The following EPHA5 variants were observed in gnomAD, a reference collection of about 807,000 sequenced individuals.
EPHA5 encodes the protein ephrin type-A receptor 5.
A neutral mutation model predicts 105.0 loss-of-function variants in EPHA5; 60 were observed. That is an observed-to-expected ratio of 0.57 (90% CI 0.46 to 0.71). The LOEUF (loss-of-function observed/expected upper bound fraction) is 0.71. Ranked by LOEUF, EPHA5 falls within the 30% of genes least tolerant of loss-of-function variation. The probability of loss-of-function intolerance (pLI) is 0.00; values close to 1 mark genes in which losing one functional copy is unlikely to be tolerated. For synonymous variants in EPHA5, 513 were observed against 449.1 expected (o/e 1.14, Z -1.80); for missense variants, 1,218 against 1,274.7 (o/e 0.96, Z 0.68).
chr4:65,389,785 A>G (rs1220345422), intron 8 of EPHA5, among the ~76,000 whole-genome samples: 1 of 152,054 alleles, frequency 6.6e-6, no homozygotes, highest in South Asian at 2.1e-4. Flanking sequence ...ACATGGGACT[A>G]TTTGAATCTA....
chr4:65,365,214 G>C lies in EPHA5; in HGVS notation c.1988-12C>G, dbSNP rs1357571153. On this transcript the variant is annotated splice_polypyrimidine_tract_variant and intron_variant, in intron 10 of 16. Transcript: ENST00000613740. ...TTCACCAAATTCACCTTGTGATAAA[G>C]ATGAAAAAAATGCAAAAACTCATTT... The C allele has an allele frequency of 6.2e-7, 1 of 1,603,490 alleles. No individual in the cohort carries two copies. The highest frequency in any genetic ancestry group is 1.7e-5 in the Admixed American group (1 of 59,072).
At chr4:65,547,781 C>A (rs1269380960) in intron 3 of EPHA5, among the ~76,000 whole-genome samples, 1 of 151,958 alleles carries the variant, frequency 6.6e-6, no homozygotes, top group Non-Finnish European at 1.5e-5. Context: ...CAGGGCCACT[C>A]AATGACAGGG....
rs1159974229 is a variant in EPHA5, at chr4:65,323,455, T to C, written c.*659A>G. 2 of 230,018 alleles carry C rather than the reference T, an allele frequency of 8.7e-6. No individual in the cohort carries two copies. The allele number at this position is 230,018 out of a possible 1,614,324, so 14.2% of individuals were successfully genotyped here. On this transcript the variant is annotated 3_prime_UTR_variant, in exon 17 of 17. Coordinates refer to ENST00000613740, the MANE Select transcript of EPHA5 (RefSeq NM_001281766.3). ...AATTATACAGTATATACACATTTATTACCTAATAATCTCTAGAAGAGCAAC... is the reference window on the plus strand; with the variant it reads ...AATTATACAGTATATACACATTTATCACCTAATAATCTCTAGAAGAGCAAC...
chr4:65,652,805 A>G (rs10434242), intron 1 of EPHA5, among the ~76,000 whole-genome samples: 40,889 of 151,984 alleles, frequency 0.27, 6,075 homozygotes, highest in East Asian at 0.57. Context: ...TTTTCCTGGA[A>G]AAATCACATT....
At chr4:65,498,239 C>T (rs1578258465) in intron 3 of EPHA5, among the ~76,000 whole-genome samples, 1 of 151,796 alleles carries the variant, frequency 6.6e-6, no homozygotes, top group African/African-American at 2.4e-5. Flanking sequence ...CAAGTTTATA[C>T]AGGACAGAGG....
intron 5 of EPHA5, among the ~76,000 whole-genome samples, chr4:65,452,036 G>T (rs1727117217): frequency 6.6e-6 from 1 of 152,150 alleles, no homozygotes; most frequent in African/African-American, 2.4e-5. Flanking sequence ...GATGAAGTTT[G>T]GGCAGGTGGG....
intron 11 of EPHA5, among the ~76,000 whole-genome samples, chr4:65,358,294 C>G (rs1213219398): frequency 2.6e-5 from 4 of 151,510 alleles, no homozygotes; most frequent in African/African-American, 4.8e-5. Context: ...TATCAGTGAA[C>G]ATTTCATTTA....
intron 3 of EPHA5, among the ~76,000 whole-genome samples, chr4:65,560,735 G>A (rs901085629): frequency 6.6e-6 from 1 of 151,992 alleles, no homozygotes; most frequent in Non-Finnish European, 1.5e-5. Flanking sequence ...AACCCTGAAT[G>A]TTTATGTTCA....
At chr4:65,524,495 A>C (rs1735048393) in intron 3 of EPHA5, among the ~76,000 whole-genome samples, 1 of 151,766 alleles carries the variant, frequency 6.6e-6, no homozygotes, top group African/African-American at 2.4e-5. Context: ...TTCTCTCTCC[A>C]AACTATAAGT....
chr4:65,327,940 A>G (rs975231848), intron 16 of EPHA5, among the ~76,000 whole-genome samples: 3 of 151,226 alleles, frequency 2.0e-5, no homozygotes, highest in Non-Finnish European at 4.4e-5. Context: ...AATTTGATGA[A>G]AATAAAATAT....
At chr4:65,494,602 G>A (rs1385067878) in intron 4 of EPHA5, among the ~76,000 whole-genome samples, 3 of 152,028 alleles carry the variant, frequency 2.0e-5, no homozygotes, top group African/African-American at 4.8e-5. Context: ...CCAAATATAC[G>A]GAAAACTAAA....
At chr4:65,395,358 C>A (rs1337024733) in intron 8 of EPHA5, among the ~76,000 whole-genome samples, 1 of 152,088 alleles carries the variant, frequency 6.6e-6, no homozygotes, top group African/African-American at 2.4e-5. Flanking sequence ...CTGGACTTAC[C>A]TTTGTGTTTA....
chr4:65,476,054 T>A (rs1239880729), intron 5 of EPHA5, among the ~76,000 whole-genome samples: 2 of 150,988 alleles, frequency 1.3e-5, no homozygotes, highest in African/African-American at 2.4e-5. Flanking sequence ...ACAAATGTAA[T>A]TTTTTTTCAG....
intron 3 of EPHA5, among the ~76,000 whole-genome samples, chr4:65,531,006 ATTTTTT>A (rs143470462): frequency 1.4e-5 from 2 of 146,974 alleles, no homozygotes; most frequent in African/African-American, 2.6e-5. Context: ...ATTTTTTTTT[ATTTTTT>A]TTATTTTTTT....
intron 11 of EPHA5, among the ~76,000 whole-genome samples, chr4:65,360,229 TTC>T (rs1290687776): frequency 6.6e-6 from 1 of 151,752 alleles, no homozygotes; most frequent in Non-Finnish European, 1.5e-5. Flanking sequence ...TTCATTTAAT[TTC>T]TGTCTCCATC....
At chr4:65,348,904 C>T (rs1722552429) in intron 13 of EPHA5, among the ~76,000 whole-genome samples, 1 of 146,492 alleles carries the variant, frequency 6.8e-6, no homozygotes, top group Non-Finnish European at 1.5e-5. Flanking sequence ...TAACCCCCAC[C>T]TCCCAGGTTC....
chr4:65,483,166 C>A (rs1183897019), intron 5 of EPHA5, among the ~76,000 whole-genome samples: 1 of 152,148 alleles, frequency 6.6e-6, no homozygotes, highest in Non-Finnish European at 1.5e-5. Flanking sequence ...CAGCTTCATC[C>A]ATGTCCCTAC....
chr4:65,462,153 G>A (rs1449054068), intron 5 of EPHA5, among the ~76,000 whole-genome samples: 1 of 152,074 alleles, frequency 6.6e-6, no homozygotes, highest in East Asian at 1.9e-4. Context: ...CATCTTTTGA[G>A]CACTAATGTG....
intron 7 of EPHA5, among the ~76,000 whole-genome samples, chr4:65,408,369 T>C (rs541420353): frequency 8.5e-5 from 13 of 152,276 alleles, no homozygotes; most frequent in African/African-American, 3.1e-4. Flanking sequence ...TTATTAATGA[T>C]GCTGTTTTGG....
Sources: gnomAD v4.1 joint callset for allele counts (sites outside exome capture counted in the v4.1 genomes callset) on GRCh38, gnomAD v4.1.1 for gene constraint, MANE v1.5 for transcripts, NCBI Gene and HGNC (gene_info 2026-07-23, HGNC 2026-07-21) for gene names.